Variants in RARS2 observed in about 807,000 individuals in gnomAD.
The protein encoded by RARS2 is arginyl-tRNA synthetase 2, mitochondrial.
RARS2 carries 67 observed loss-of-function variants against 88.5 expected under a neutral mutation model. That is an observed-to-expected ratio of 0.76 (90% CI 0.62 to 0.93). The LOEUF is 0.93. Ranked by LOEUF, RARS2 falls within the 40% of genes least tolerant of loss-of-function variation. The pLI is 0.00. For synonymous variants in RARS2, 239 were observed against 230.3 expected, an observed-to-expected ratio of 1.04 and a Z score of -0.34; for missense variants, 664 against 684.2, an observed-to-expected ratio of 0.97 and a Z score of 0.33.
chr6:87,518,700 A>C lies in RARS2; in HGVS notation c.1345T>G (p.Trp449Gly). Reference protein sequence around the residue: ...GLLLSDYKFSWDRVFQSRGDT... With the variant: ...GLLLSDYKFSGDRVFQSRGDT... ...CCGCGACTCTGGAAAACACGATCCC[A>C]GCTGAACTTGTAGTCAGATAAGAGT... is the stretch of plus-strand genomic sequence containing the variant. Residue 449 changes from tryptophan to glycine, a missense_variant, in exon 16 of 20, where the codon TGG (tryptophan) becomes GGG (glycine). Trp to Gly is a radical substitution (Grantham distance 184). Transcript: ENST00000369536. 1 of 1,614,142 alleles carries C rather than the reference A, an allele frequency of 6.2e-7. No homozygotes were observed. The highest frequency in any genetic ancestry group is 8.5e-7 in the Non-Finnish European group (1 of 1,179,992).
chr6:87,528,107 T>C (rs1340304889), intron 10 of RARS2, among the ~76,000 whole-genome samples: 1 of 151,640 alleles, frequency 6.6e-6, no homozygotes, highest in African/African-American at 2.4e-5. Flanking sequence ...TAGACATTTC[T>C]CCAAGGAAGG....
rs1193496801 is a variant in RARS2, at chr6:87,564,145, C to A, written c.198G>T (p.Lys66Asn). Residue 66 changes from lysine (K) to asparagine (N), a missense_variant, in exon 3 of 20, where the codon AAG (lysine) becomes AAT (asparagine). Coordinates refer to ENST00000369536, the MANE Select transcript of RARS2 (RefSeq NM_020320.5). ...HSRPDIQVQA[K>N]RLAEKLRCDT... ...GCTAACGTACCTTCTCTGCTAGTCT[C>A]TTGGCTTGAACTTGAATATCTGGTC... The A allele has an allele frequency of 2.5e-6, 4 of 1,609,106 alleles. No homozygotes were observed. The African/African-American group carries it at 4.0e-5, about 16-fold the overall frequency.
chr6:87,517,247 T>C lies in RARS2; in HGVS notation c.1512-367A>G, dbSNP rs183278036. ...GAGCCGAGATCCAGCCACTGTACTC[T>C]AGCCTGGGCAACAGAGCAAGACTCC... On this transcript the variant is annotated intron_variant, in intron 17 of 19. Transcript: ENST00000369536. Among the ~76,000 whole-genome samples, 409 of 152,178 alleles carry C rather than the reference T, an allele frequency of 2.7e-3. 11 individuals are homozygous for C. Among genetic ancestry groups the C allele is most frequent in the Non-Finnish European group, 8.2e-4 (56 of 67,994 alleles).
At chr6:87,545,140 C>G (rs142523662) in intron 7 of RARS2, among the ~76,000 whole-genome samples, 59 of 152,346 alleles carry the variant, frequency 3.9e-4, no homozygotes, top group Non-Finnish European at 7.8e-4. Context: ...GCTCTGTCAA[C>G]CACGCTGGGT....
At chr6:87,556,988 G>C (rs1006698449) in intron 4 of RARS2, among the ~76,000 whole-genome samples, 2 of 151,682 alleles carry the variant, frequency 1.3e-5, no homozygotes, top group Non-Finnish European at 2.9e-5. Context: ...TGTGGTTTAT[G>C]TTGTGAAAAA....
chr6:87,587,640 G>T (rs1406511853), intron 1 of RARS2, among the ~76,000 whole-genome samples: 2 of 152,096 alleles, frequency 1.3e-5, no homozygotes, highest in Non-Finnish European at 2.9e-5. Flanking sequence ...TTTAATCTCT[G>T]TGGATCTCAA....
At chr6:87,543,927 C>T (rs74794246) in intron 7 of RARS2, among the ~76,000 whole-genome samples, 3,335 of 152,204 alleles carry the variant, frequency 0.022, 121 homozygotes, top group African/African-American at 0.076. Flanking sequence ...AAGTAAGGGC[C>T]AATTCCATTT....
At chr6:87,558,012 C>T (rs958800018) in intron 4 of RARS2, among the ~76,000 whole-genome samples, 2 of 151,982 alleles carry the variant, frequency 1.3e-5, no homozygotes, top group African/African-American at 2.4e-5. Context: ...CCCATCTCTA[C>T]TAAAAATACA....
intron 8 of RARS2, among the ~76,000 whole-genome samples, chr6:87,535,851 T>C (rs567261707): frequency 5.3e-5 from 8 of 150,674 alleles, no homozygotes; most frequent in Admixed American, 5.3e-4. Flanking sequence ...TAATTATTTG[T>C]ATTTTTTTTT....
chr6:87,530,468 G>A (rs1303868034), intron 9 of RARS2, among the ~76,000 whole-genome samples: 1 of 152,124 alleles, frequency 6.6e-6, no homozygotes, highest in Non-Finnish European at 1.5e-5. Context: ...CCCACCAAAT[G>A]TTTATTAAAT....
At chr6:87,521,565 T>C (rs1562068367) in intron 11 of RARS2, 41 bp from the exon 12 acceptor site, 1 of 1,511,446 alleles carries the variant, frequency 6.6e-7, no homozygotes, top group Non-Finnish European at 9.2e-7. Context: ...ACTAAGCAGA[T>C]CCGGGTAATA....
At chr6:87,559,639 G>A (rs13193303) in intron 4 of RARS2, among the ~76,000 whole-genome samples, 10,944 of 152,118 alleles carry the variant, frequency 0.072, 551 homozygotes, top group African/African-American at 0.15. Flanking sequence ...TTACAGGCGT[G>A]AGCCACCATG....
chr6:87,548,466 G>T, intron 6 of RARS2, 125 bp downstream of exon 6: 2 of 869,910 alleles, frequency 2.3e-6, no homozygotes, highest in Non-Finnish European at 3.6e-6. Flanking sequence ...TTGGCAGGAG[G>T]CTCATATAAA....
chr6:87,589,575 C>CA, intron 1 of RARS2: 1 of 774,304 alleles, frequency 1.3e-6, no homozygotes, highest in Non-Finnish European at 1.6e-6. Context: ...GATCCATCAT[C>CA]AATGTCACTA....
Position 87,514,511 on chromosome 6 carries a change from A to G in RARS2, c.1651-12T>C, listed in dbSNP as rs769530438. 1.9e-6 allele frequency: 3 copies of G among 1,591,638 alleles called. No individual in the cohort carries two copies. Among genetic ancestry groups the G allele is most frequent in the Admixed American group, 3.3e-5 (2 of 59,974 alleles). ...AGATGAAGTCTGGCCTACAAAATAA[A>G]TCAAAGAATGATTTAAAATATTCAG... On this transcript the variant is annotated splice_polypyrimidine_tract_variant and intron_variant, in intron 19 of 19. Transcript: ENST00000369536.
At chr6:87,563,632 C>A (rs986631331) in intron 3 of RARS2, among the ~76,000 whole-genome samples, 1 of 152,186 alleles carries the variant, frequency 6.6e-6, no homozygotes, top group Non-Finnish European at 1.5e-5. Flanking sequence ...TCCTTGCAAT[C>A]CTTTCAATTC....
At chr6:87,555,172 A>G (rs910430636) in intron 5 of RARS2, among the ~76,000 whole-genome samples, 1 of 151,794 alleles carries the variant, frequency 6.6e-6, no homozygotes, top group African/African-American at 2.4e-5. Flanking sequence ...CTTCCAAAAA[A>G]GTAATTGTTA....
intron 8 of RARS2, 147 bp downstream of exon 8, chr6:87,541,771 C>T: frequency 1.7e-6 from 1 of 601,222 alleles, no homozygotes; most frequent in Admixed American, 2.3e-5. Context: ...TTGCAGTGAG[C>T]TGAGATTGCA....
intron 5 of RARS2, among the ~76,000 whole-genome samples, chr6:87,551,431 G>A (rs886976617): frequency 4.0e-5 from 6 of 151,818 alleles, no homozygotes; most frequent in African/African-American, 1.5e-4. Context: ...TTTGAGACCA[G>A]CCTGACCAAC....
Sources: gnomAD v4.1 joint callset for allele counts (sites outside exome capture counted in the v4.1 genomes callset) on GRCh38, gnomAD v4.1.1 for gene constraint, MANE v1.5 for transcripts, NCBI Gene and HGNC (gene_info 2026-07-23, HGNC 2026-07-21) for gene names.